Variants in TOR1AIP2 observed in about 807,000 individuals in gnomAD.
TOR1AIP2 encodes the protein torsin 1A interacting protein 2, also known as torsin-1A-interacting protein 2.
Under a neutral mutation model 32.6 loss-of-function variants are expected in TOR1AIP2, and 20 were observed. The observed-to-expected ratio is 0.61, with a 90% confidence interval of 0.43 to 0.89. TOR1AIP2 has a LOEUF of 0.89. Ranked by LOEUF, TOR1AIP2 falls within the 40% of genes least tolerant of loss-of-function variation. The pLI, the probability that TOR1AIP2 is intolerant of heterozygous loss-of-function variation, is 0.00. For missense variants in TOR1AIP2, 456 were observed against 553.8 expected (o/e 0.82, Z 1.77); for synonymous variants, 214 against 210.8 (o/e 1.02, Z -0.13).
intron 2 of TOR1AIP2, among the ~76,000 whole-genome samples, chr1:179,870,189 G>A (rs1436315594): frequency 6.6e-6 from 1 of 152,172 alleles, no homozygotes; most frequent in Non-Finnish European, 1.5e-5. Flanking sequence ...GAGGTCAGGA[G>A]ATGGAGACCA....
At chr1:179,875,836 A>C (rs1647271554) in intron 2 of TOR1AIP2, 1 of 152,220 alleles carries the variant, frequency 6.6e-6, no homozygotes, top group Admixed American at 6.5e-5. Context: ...TACCAATGTT[A>C]GGGACACGCT....
rs754910796 is a variant in TOR1AIP2 at position 179,846,153 on chromosome 1, C to T, written c.1331G>A (p.Ser444Asn). The change falls in exon 7 of 7, where the codon AGT becomes AAT. Residue 444 changes from serine to asparagine, a missense_variant. Physicochemically the swap from Ser to Asn is conservative, Grantham distance 46. Coordinates refer to ENST00000609928, the MANE Select transcript of TOR1AIP2 (RefSeq NM_001199260.2). ...SFNHMDSDKL[S>N]GLWSRISHLV... ...GTGTGAAATTCGGCTCCACAGCCCACTCAATTTGTCTGAGTCCATGTGGTT... is the reference window on the plus strand; with the variant it reads ...GTGTGAAATTCGGCTCCACAGCCCATTCAATTTGTCTGAGTCCATGTGGTT... 3.1e-6 allele frequency: 5 copies of T among 1,614,206 alleles called. No homozygotes were observed. The highest frequency in any genetic ancestry group is 4.2e-6 in the Non-Finnish European group (5 of 1,180,050).
At chr1:179,856,952 CAG>C (rs1266381413) in intron 3 of TOR1AIP2, among the ~76,000 whole-genome samples, 2 of 152,208 alleles carry the variant, frequency 1.3e-5, no homozygotes, top group African/African-American at 4.8e-5. Context: ...TGATCCCTAT[CAG>C]GGTATGTGTT....
rs377467164 is a variant in TOR1AIP2 at position 179,861,571 on chromosome 1, CTGTT to C, written c.-147+3861_-147+3864del. ...TAGTTTATAATGACACTGAACAAAA[CTGTT>C]TGTGAAGAAGACTGAAACATTCCTG... On this transcript the variant is annotated intron_variant, in intron 3 of 6. Transcript: ENST00000609928. 1,760 of 985,328 alleles carry C rather than the reference CTGTT, an allele frequency of 1.8e-3. 3 individuals are homozygous for C. The highest frequency in any genetic ancestry group is 4.7e-3 in the South Asian group (100 of 21,290). 61.0% of individuals were successfully genotyped at this position (985,328 alleles called of 1,614,324 possible).
intron 2 of TOR1AIP2, among the ~76,000 whole-genome samples, chr1:179,870,116 G>T (rs891379857): frequency 1.1e-4 from 17 of 152,182 alleles, no homozygotes; most frequent in Admixed American, 3.3e-4. Context: ...AATCTTTACG[G>T]CTGGGCACGG....
chr1:179,856,764 C>T (rs754991227), intron 3 of TOR1AIP2, among the ~76,000 whole-genome samples: 6 of 152,186 alleles, frequency 3.9e-5, no homozygotes, highest in Non-Finnish European at 7.3e-5. Context: ...CAGCTGCGCA[C>T]CACCGTGCCC....
chr1:179,852,641 G>C lies in TOR1AIP2; in HGVS notation c.25C>G (p.Pro9Ala). Residue 9 changes from proline (P) to alanine (A), a missense_variant, in exon 4 of 7, where the codon CCT becomes GCT. By Grantham distance (27) the Pro-to-Ala change is conservative. Coordinates refer to ENST00000609928, the MANE Select transcript of TOR1AIP2 (RefSeq NM_001199260.2). The part of the protein sequence containing the change: MADSGLRE[P>A]QEDSQKDLEN... ...GACAAATCAGTCTTACCCTCTTGAG[G>C]TTCCCTAAGTCCACTGTCGGCCATG... is the stretch of plus-strand genomic sequence containing the variant. 1 of 1,613,974 alleles carries C rather than the reference G, an allele frequency of 6.2e-7. No individual in the cohort carries two copies.
intron 3 of TOR1AIP2, chr1:179,863,264 T>C (rs1224974142): frequency 2.4e-6 from 2 of 849,022 alleles, no homozygotes; most frequent in Non-Finnish European, 2.8e-6. Context: ...ATTTCTTCAA[T>C]GGAGGCAATG....
At chr1:179,863,471 GTC>G (rs1571686162) in intron 3 of TOR1AIP2, 1 of 985,002 alleles carries the variant, frequency 1.0e-6, no homozygotes, top group Non-Finnish European at 1.2e-6. Flanking sequence ...GGATTAAAAT[GTC>G]TGTTACAACA....
intron 5 of TOR1AIP2, among the ~76,000 whole-genome samples, chr1:179,848,047 A>C (rs193046576): frequency 9.6e-4 from 146 of 152,050 alleles, no homozygotes; most frequent in Middle Eastern, 3.4e-3. Context: ...AAAAAAAAAA[A>C]AAAAACCAAA....
At position 179,847,630 on chromosome 1, in the gene TOR1AIP2, C is replaced by A. The variant is rs1164291784; in HGVS notation, c.560G>T (p.Gly187Val). 1 of 1,608,062 alleles carries A rather than the reference C, an allele frequency of 6.2e-7. No individual in the cohort carries two copies. The highest frequency in any genetic ancestry group is 1.3e-5 in the African/African-American group (1 of 74,774). ...TTTTTGTGTTTGTTGTGGATGACTT[C>A]CAGCCTCTGGAGAGGAAAAGAATCA... Reference protein sequence around the residue: ...LRRRLLAPEAGSHPQQTQKLE... With the variant: ...LRRRLLAPEAVSHPQQTQKLE... The change falls in exon 6 of 7, where the codon GGA (glycine) becomes GTA (valine). Residue 187 changes from glycine (G) to valine (V), a missense_variant. Coordinates refer to ENST00000609928, the MANE Select transcript of TOR1AIP2 (RefSeq NM_001199260.2).
chr1:179,860,303 C>A (rs935837032), intron 3 of TOR1AIP2: 3 of 761,248 alleles, frequency 3.9e-6, no homozygotes. Context: ...GGCAACATGG[C>A]GATACTCCAT....
At chr1:179,861,877 T>C (rs986995580) in intron 3 of TOR1AIP2, 3 of 937,220 alleles carry the variant, frequency 3.2e-6, no homozygotes, top group African/African-American at 1.8e-5. Flanking sequence ...TTTTTTTTTC[T>C]TGAAAGAGAC....
intron 2 of TOR1AIP2, among the ~76,000 whole-genome samples, chr1:179,870,204 G>A (rs1379969188): frequency 6.6e-6 from 1 of 152,074 alleles, no homozygotes; most frequent in Non-Finnish European, 1.5e-5. Flanking sequence ...AGACCATCCT[G>A]GCTAACACAT....
At position 179,852,619 on chromosome 1, in the gene TOR1AIP2, A is replaced by C. The variant is rs1240452119; in HGVS notation, c.34+13T>G. 2.5e-6 allele frequency: 4 copies of C among 1,613,846 alleles called. No homozygotes were observed. The Admixed American group carries it at 5.0e-5, about 20-fold the overall frequency. The stretch of plus-strand genomic sequence containing the variant: ...TACAGCAGCAACCTCAGTGCCAGAC[A>C]AATCAGTCTTACCCTCTTGAGGTTC... On this transcript the variant is annotated intron_variant, in intron 4 of 6. Transcript: ENST00000609928.
intron 3 of TOR1AIP2, among the ~76,000 whole-genome samples, chr1:179,857,413 C>A (rs1571673080): frequency 6.6e-6 from 1 of 152,126 alleles, no homozygotes; most frequent in Non-Finnish European, 1.5e-5. Context: ...ACTAGACGGC[C>A]GGCTGAGGGA....
intron 2 of TOR1AIP2, 52 bp from the exon 3 acceptor site, chr1:179,865,906 T>C (rs1419909706): frequency 1.9e-4 from 29 of 152,652 alleles, no homozygotes; most frequent in Non-Finnish European, 1.6e-4. Flanking sequence ...TTGTTCACAT[T>C]ATTATTAGAA....
chr1:179,874,484 G>A (rs1461028528), intron 2 of TOR1AIP2: 1 of 152,280 alleles, frequency 6.6e-6, no homozygotes, highest in African/African-American at 2.4e-5. Flanking sequence ...CTGTAGTCAG[G>A]TATGGTGGCT....
intron 3 of TOR1AIP2, 58 bp from the exon 4 acceptor site, chr1:179,852,869 A>G: frequency 8.3e-7 from 1 of 1,202,502 alleles, no homozygotes; most frequent in Non-Finnish European, 1.1e-6. Context: ...GAGAAATGCA[A>G]GTATCAGCTT....
Sources: gnomAD v4.1 joint callset for allele counts (sites outside exome capture counted in the v4.1 genomes callset) on GRCh38, gnomAD v4.1.1 for gene constraint, MANE v1.5 for transcripts, NCBI Gene and HGNC (gene_info 2026-07-23, HGNC 2026-07-21) for gene names.